Variants in NALF1 observed in about 807,000 individuals in gnomAD.
NALF1 encodes NALCN channel auxiliary factor 1.
NALF1 carries 3 observed loss-of-function variants against 48.4 expected under a neutral mutation model. The observed-to-expected ratio is 0.06, with a 90% CI of 0.03 to 0.16. The LOEUF is 0.16. NALF1 is among the 10% of genes least tolerant of loss of function. The probability of loss-of-function intolerance (pLI) is 1.00; values close to 1 mark genes in which losing one functional copy is unlikely to be tolerated. For missense variants in NALF1, 526 were observed against 571.5 expected, an observed-to-expected ratio of 0.92 and a Z score of 0.81; for synonymous variants, 262 against 245.7, an observed-to-expected ratio of 1.07 and a Z score of -0.62.
intron 1 of NALF1, among the ~76,000 whole-genome samples, chr13:107,730,705 G>A (rs985472945): frequency 5.3e-5 from 8 of 152,028 alleles, no homozygotes; most frequent in African/African-American, 1.9e-4. Context: ...ATGTCTTGGG[G>A]GAACCTGTTA....
intron 1 of NALF1, among the ~76,000 whole-genome samples, chr13:107,596,924 G>A (rs1878770502): frequency 6.6e-6 from 1 of 152,104 alleles, no homozygotes; most frequent in South Asian, 2.1e-4. Context: ...AAGATATCAT[G>A]CCTGTTATTT....
chr13:107,229,847 C>T (rs778926777), intron 1 of NALF1, among the ~76,000 whole-genome samples: 37 of 152,198 alleles, frequency 2.4e-4, no homozygotes, highest in Non-Finnish European at 4.1e-4. Flanking sequence ...CTCCTCTTTC[C>T]ATTGCTGCCT....
At chr13:107,592,811 A>G (rs1325654833) in intron 1 of NALF1, among the ~76,000 whole-genome samples, 3 of 151,870 alleles carry the variant, frequency 2.0e-5, no homozygotes, top group Non-Finnish European at 4.4e-5. Flanking sequence ...TTACCGATAA[A>G]TTCTTAAAAA....
At chr13:107,538,452 G>GTT (rs1876905337) in intron 1 of NALF1, among the ~76,000 whole-genome samples, 1 of 152,092 alleles carries the variant, frequency 6.6e-6, no homozygotes, top group South Asian at 2.1e-4. Flanking sequence ...TATGTTAAAG[G>GTT]TGAAACCATT....
chr13:107,397,963 T>TA (rs1335480531), intron 1 of NALF1, among the ~76,000 whole-genome samples: 38 of 152,176 alleles, frequency 2.5e-4, no homozygotes, highest in Admixed American at 2.5e-3. Flanking sequence ...GTTACATAAT[T>TA]AATCATGGTA....
chr13:107,723,110 C>A lies in NALF1; in HGVS notation c.915+142572G>T, dbSNP rs116790833. ...CTGATTAATTATTGCCTTCATTCAT[C>A]ACATTCAGTCAGCGGATTGGGCCCC... On this transcript the variant is annotated intron_variant, in intron 1 of 2. Transcript: ENST00000375915. 8.4e-3 allele frequency among the ~76,000 whole-genome samples: 1,277 copies of A among 152,286 alleles called. 18 individuals carry two copies. Among genetic ancestry groups the A allele is most frequent in the African/African-American group, 0.029 (1,215 of 41,564 alleles).
intron 1 of NALF1, among the ~76,000 whole-genome samples, chr13:107,679,068 C>T (rs1457781397): frequency 6.6e-6 from 1 of 152,198 alleles, no homozygotes; most frequent in Non-Finnish European, 1.5e-5. Context: ...GTACTTCTCA[C>T]TCACCTTCCA....
intron 1 of NALF1, among the ~76,000 whole-genome samples, chr13:107,830,429 C>T (rs1879683006): frequency 6.6e-6 from 1 of 152,198 alleles, no homozygotes; most frequent in Non-Finnish European, 1.5e-5. Flanking sequence ...CCAATCGCTC[C>T]ATATCCCTGC....
At chr13:107,615,880 G>A (rs1879365299) in intron 1 of NALF1, among the ~76,000 whole-genome samples, 2 of 152,138 alleles carry the variant, frequency 1.3e-5, no homozygotes. Flanking sequence ...TCCATGGCAT[G>A]AGTGTAAGTC....
chr13:107,433,025 A>C (rs1884407823), intron 1 of NALF1, among the ~76,000 whole-genome samples: 1 of 152,004 alleles, frequency 6.6e-6, no homozygotes, highest in Non-Finnish European at 1.5e-5. Context: ...TCACCCCTTG[A>C]CCTTTTCTTT....
chr13:107,728,524 G>A (rs1407669952), intron 1 of NALF1, among the ~76,000 whole-genome samples: 1 of 150,908 alleles, frequency 6.6e-6, no homozygotes, highest in Non-Finnish European at 1.5e-5. Flanking sequence ...ACACACCGGG[G>A]TCTGTCAGGG....
At chr13:107,713,520 T>C (rs568627848) in intron 1 of NALF1, among the ~76,000 whole-genome samples, 6 of 152,332 alleles carry the variant, frequency 3.9e-5, no homozygotes, top group Admixed American at 3.9e-4. Flanking sequence ...ATTATCTACA[T>C]TCCATAGATG....
At chr13:107,606,193 A>G (rs1230640646) in intron 1 of NALF1, among the ~76,000 whole-genome samples, 2 of 152,148 alleles carry the variant, frequency 1.3e-5, no homozygotes, top group African/African-American at 4.8e-5. Flanking sequence ...GGATCAAATC[A>G]GGTAGTAGAA....
intron 1 of NALF1, among the ~76,000 whole-genome samples, chr13:107,802,542 T>G (rs1878652091): frequency 6.6e-6 from 1 of 152,130 alleles, no homozygotes; most frequent in African/African-American, 2.4e-5. Flanking sequence ...TCTGTAACCC[T>G]TTTTAAATTT....
At chr13:107,222,736 C>A (rs1250914078) in intron 1 of NALF1, among the ~76,000 whole-genome samples, 1 of 152,126 alleles carries the variant, frequency 6.6e-6, no homozygotes, top group Non-Finnish European at 1.5e-5. Flanking sequence ...CTAGGCAAGA[C>A]CCGAATATTA....
chr13:107,857,320 AT>A (rs1193440692), intron 1 of NALF1, among the ~76,000 whole-genome samples: 35 of 152,250 alleles, frequency 2.3e-4, no homozygotes, highest in African/African-American at 8.2e-4. Context: ...ACAACCAACC[AT>A]AACAGAATAC....
intron 1 of NALF1, among the ~76,000 whole-genome samples, chr13:107,511,278 G>A (rs981647421): frequency 4.6e-5 from 7 of 152,200 alleles, no homozygotes; most frequent in East Asian, 1.9e-4. Flanking sequence ...TCGTATTGTC[G>A]CCCAGTGCTT....
intron 1 of NALF1, among the ~76,000 whole-genome samples, chr13:107,679,640 T>C (rs1463288442): frequency 1.3e-5 from 2 of 152,178 alleles, no homozygotes; most frequent in Admixed American, 6.5e-5. Context: ...GGAGGTGTCA[T>C]TGCTCAGTCC....
At chr13:107,428,449 T>C (rs1884317652) in intron 1 of NALF1, among the ~76,000 whole-genome samples, 5 of 152,154 alleles carry the variant, frequency 3.3e-5, no homozygotes, top group Admixed American at 3.3e-4. Context: ...CTGTAAAAAG[T>C]TGTTCTCTGG....
Sources: gnomAD v4.1 joint callset for allele counts (sites outside exome capture counted in the v4.1 genomes callset) on GRCh38, gnomAD v4.1.1 for gene constraint, MANE v1.5 for transcripts, NCBI Gene and HGNC (gene_info 2026-07-23, HGNC 2026-07-21) for gene names.